NEBL: variants seen among roughly 807,000 people sequenced by gnomAD.
The protein encoded by NEBL is LIM and SH3 protein 2.
In NEBL, 122 loss-of-function variants were observed where a neutral mutation model predicts 140.2. The ratio of observed to expected loss-of-function variants is 0.87; its 90% CI spans 0.75 to 1.01. The LOEUF (loss-of-function observed/expected upper bound fraction) is 1.01, where lower values mean the gene tolerates loss of function less well. Among genes scored for constraint, NEBL ranks in the 50% least tolerant of loss-of-function variants. The probability of loss-of-function intolerance (pLI) is 0.00; values close to 1 mark genes in which losing one functional copy is unlikely to be tolerated. For synonymous variants in NEBL, 436 were observed against 398.9 expected, an observed-to-expected ratio of 1.09 and a Z score of -1.11; for missense variants, 1,365 against 1,231.3, an observed-to-expected ratio of 1.11 and a Z score of -1.62.
intron 21 of NEBL, 77 bp downstream of exon 21, chr10:20,817,523 T>G: frequency 2.5e-6 from 3 of 1,200,508 alleles, no homozygotes; most frequent in Admixed American, 3.4e-5. Context: ...ATGAAAATTC[T>G]ATAAATACAA....
At chr10:20,867,425 AT>A (rs1416987937) in intron 7 of NEBL, among the ~76,000 whole-genome samples, 6 of 152,118 alleles carry the variant, frequency 3.9e-5, no homozygotes, top group African/African-American at 7.2e-5. Context: ...AGAAATGAGT[AT>A]TTTCAAAGTC....
chr10:20,998,678 T>C (rs561291907), intron 3 of NEBL, among the ~76,000 whole-genome samples: 1 of 152,146 alleles, frequency 6.6e-6, no homozygotes, highest in Non-Finnish European at 1.5e-5. Context: ...ATTCCAATAA[T>C]GCACACAGCA....
In NEBL at chr10:20,897,137, A is replaced by G. The variant is rs746405718; in HGVS notation, c.69T>C (p.Asn23=). 53 of 1,603,714 alleles carry G rather than the reference A, an allele frequency of 3.3e-5. No homozygotes were observed. In the African/African-American group the frequency reaches 4.7e-4, roughly 14 times the overall value. The change falls in exon 1 of 28, where the codon AAT becomes AAC. Residue 23 remains asparagine, a synonymous_variant. Transcript: ENST00000377122. ...TTTTCTCACTCACCTGGTCTTCTTCATTTTCTTCTTCCCCTATCTTTTCTT... is the reference window on the plus strand; with the variant it reads ...TTTTCTCACTCACCTGGTCTTCTTCGTTTTCTTCTTCCCCTATCTTTTCTT... ...TEEEKIGEEE[N]EEDQVFYKPV...
At chr10:21,074,024 G>A (rs1021802328) in intron 2 of NEBL, among the ~76,000 whole-genome samples, 6 of 151,828 alleles carry the variant, frequency 4.0e-5, no homozygotes, top group Admixed American at 1.3e-4. Flanking sequence ...GCAGTGAGCC[G>A]AGATCATGCC....
chr10:20,885,634 G>A (rs1230940321), intron 4 of NEBL, among the ~76,000 whole-genome samples: 1 of 152,212 alleles, frequency 6.6e-6, no homozygotes, highest in African/African-American at 2.4e-5. Flanking sequence ...GTTGAGAGCT[G>A]TTGTGTGCTT....
At chr10:21,063,228 A>T (rs1429591007) in intron 2 of NEBL, among the ~76,000 whole-genome samples, 1 of 152,152 alleles carries the variant, frequency 6.6e-6, no homozygotes, top group Non-Finnish European at 1.5e-5. Context: ...CATACCTGTC[A>T]GCTGTGCTTC....
intron 4 of NEBL, among the ~76,000 whole-genome samples, chr10:20,939,199 C>A (rs1426460670): frequency 1.3e-5 from 2 of 152,142 alleles, no homozygotes; most frequent in Non-Finnish European, 2.9e-5. Context: ...GTCAGGTTAC[C>A]CACAAAGGGA....
chr10:20,842,964 T>G (rs1182120432), intron 12 of NEBL, among the ~76,000 whole-genome samples: 1 of 152,072 alleles, frequency 6.6e-6, no homozygotes, highest in Non-Finnish European at 1.5e-5. Flanking sequence ...TATGCAGGAT[T>G]TGTCTTTCAG....
At chr10:21,237,356 C>T (rs1842369387) in intron 3 of NEBL, among the ~76,000 whole-genome samples, 1 of 151,726 alleles carries the variant, frequency 6.6e-6, no homozygotes, top group African/African-American at 2.4e-5. Flanking sequence ...AGGCGCAAGC[C>T]ACCACACCTG....
chr10:20,896,829 C>T (rs1847539589), intron 2 of NEBL, 129 bp downstream of exon 2: 17 of 868,700 alleles, frequency 2.0e-5, no homozygotes, highest in South Asian at 1.2e-4. Flanking sequence ...GGACTTTGTT[C>T]CATGATCTGG....
chr10:21,172,489 A>AT, intron 1 of NEBL: 1 of 1,605,484 alleles, frequency 6.2e-7, no homozygotes, highest in East Asian at 2.2e-5. Flanking sequence ...TGGAAAAAAA[A>AT]AAAAAACATT....
intron 4 of NEBL, among the ~76,000 whole-genome samples, chr10:20,951,000 T>C (rs1010647216): frequency 2.0e-5 from 3 of 152,184 alleles, no homozygotes; most frequent in Non-Finnish European, 4.4e-5. Context: ...CCTGGTATGG[T>C]GGCTCATACC....
intron 2 of NEBL, chr10:21,126,032 G>A: frequency 1.2e-6 from 2 of 1,614,180 alleles, no homozygotes; most frequent in Non-Finnish European, 1.7e-6. Flanking sequence ...CACCTGGCAA[G>A]CGTTGGCCAG....
intron 4 of NEBL, among the ~76,000 whole-genome samples, chr10:20,951,113 A>G (rs1231575695): frequency 1.3e-5 from 2 of 152,326 alleles, no homozygotes; most frequent in Admixed American, 1.3e-4. Flanking sequence ...CTATTCGAAA[A>G]AAACAAAAAA....
intron 20 of NEBL, chr10:20,819,013 C>T: frequency 3.0e-6 from 3 of 987,632 alleles, no homozygotes; most frequent in Non-Finnish European, 3.6e-6. Flanking sequence ...TTCACTTTTT[C>T]ATGTTATAAT....
intron 2 of NEBL, among the ~76,000 whole-genome samples, chr10:21,168,774 C>T (rs1385460619): frequency 6.6e-6 from 1 of 151,658 alleles, no homozygotes; most frequent in East Asian, 1.9e-4. Context: ...AGTGGCCGGG[C>T]GCGGTGGCTC....
At chr10:20,795,222 G>A (rs1460161479) in intron 26 of NEBL, among the ~76,000 whole-genome samples, 3 of 152,120 alleles carry the variant, frequency 2.0e-5, no homozygotes, top group African/African-American at 7.2e-5. Flanking sequence ...CCTGCTTGGG[G>A]CAGTAGAAGT....
At chr10:20,810,967 C>T (rs1838082721) in intron 24 of NEBL, among the ~76,000 whole-genome samples, 1 of 152,120 alleles carries the variant, frequency 6.6e-6, no homozygotes, top group Admixed American at 6.5e-5. Context: ...GCCAAGGTTA[C>T]ACAGCTCGTA....
At chr10:21,118,624 G>GA (rs955053113) in intron 2 of NEBL, among the ~76,000 whole-genome samples, 87 of 147,596 alleles carry the variant, frequency 5.9e-4, no homozygotes, top group Admixed American at 1.6e-3. Flanking sequence ...TTTCTTTACT[G>GA]AAAAAAAAAA....
Sources: allele counts gnomAD v4.1 joint callset (sites outside exome capture counted in the v4.1 genomes callset), GRCh38; gene constraint gnomAD v4.1.1; transcripts MANE v1.5; gene names NCBI Gene and HGNC (gene_info 2026-07-23, HGNC 2026-07-21).